UTRN: variants seen among roughly 807,000 people sequenced by gnomAD.
UTRN encodes dystrophin-related protein 1.
In UTRN, 283 loss-of-function variants were observed where a neutral mutation model predicts 463.9. The ratio of observed to expected loss-of-function variants is 0.61; its 90% CI spans 0.55 to 0.67. The LOEUF is 0.67. Ranked by LOEUF, UTRN falls within the 30% of genes least tolerant of loss-of-function variation. UTRN has a pLI of 0.00. For missense variants in UTRN, 3,922 were observed against 4,084.3 expected (o/e 0.96, Z 1.08); for synonymous variants, 1,442 against 1,431.5 (o/e 1.01, Z -0.17).
intron 2 of UTRN, among the ~76,000 whole-genome samples, chr6:144,370,698 A>T (rs1779905223): frequency 1.3e-5 from 2 of 152,158 alleles, no homozygotes; most frequent in East Asian, 3.8e-4. Flanking sequence ...AAAGCCACAG[A>T]CAATGCCAGC....
intron 45 of UTRN, among the ~76,000 whole-genome samples, chr6:144,540,332 A>G (rs1797886588): frequency 6.6e-6 from 1 of 152,046 alleles, no homozygotes; most frequent in Non-Finnish European, 1.5e-5. Context: ...CATTGAATGG[A>G]TATGTCTCTG....
chr6:144,330,958 C>T lies in UTRN; in HGVS notation c.79+39051C>T, dbSNP rs960462264. 43 of 985,138 alleles carry T rather than the reference C, an allele frequency of 4.4e-5. No homozygotes were observed. In the African/African-American group the frequency reaches 6.6e-4, roughly 15 times the overall value. The allele number at this position is 985,138 out of a possible 1,614,324, so 61.0% of individuals were successfully genotyped here. A position where few individuals can be genotyped will look rare whatever the true frequency, so the allele number is the denominator to read the frequency against. Reference sequence around the variant, plus strand: ...ACTACATTTGGAGGACACGCTGAGCCGACGAGAAATGGAAGTGAGATCTGA... The same window carrying T: ...ACTACATTTGGAGGACACGCTGAGCTGACGAGAAATGGAAGTGAGATCTGA... On this transcript the variant is annotated intron_variant, in intron 2 of 74. Transcript: ENST00000367545.
At chr6:144,304,623 G>A (rs1246203477) in intron 2 of UTRN, among the ~76,000 whole-genome samples, 1 of 152,176 alleles carries the variant, frequency 6.6e-6, no homozygotes, top group East Asian at 1.9e-4. Context: ...GGGATGTGGG[G>A]AGGCTGTTAA....
intron 27 of UTRN, among the ~76,000 whole-genome samples, chr6:144,483,771 T>C (rs1168868571): frequency 6.6e-6 from 1 of 152,188 alleles, no homozygotes; most frequent in Admixed American, 6.6e-5. Flanking sequence ...TAAATCTAAC[T>C]TGTAGTTTGG....
In UTRN at chr6:144,459,321, G is replaced by GCTGT. The variant is rs1789178471; in HGVS notation, c.2675_2678dup (p.Glu894CysfsTer11). 1 of 1,609,742 alleles carries GCTGT rather than the reference G, an allele frequency of 6.2e-7. No homozygotes were observed. On this transcript the variant is annotated frameshift_variant, in exon 21 of 75. Transcript: ENST00000367545. LOFTEE classifies it high-confidence loss of function. ...GGGCCGCTACCAAGCTGTACAAGAG[G>GCTGT]CTGTAGAGGATCGTCAACAACATCT...
intron 51 of UTRN, among the ~76,000 whole-genome samples, chr6:144,645,684 T>G (rs1292782200): frequency 6.6e-6 from 1 of 152,174 alleles, no homozygotes; most frequent in Non-Finnish European, 1.5e-5. Context: ...TCAAGAAGTC[T>G]GTGTTGTATA....
chr6:144,469,838 A>G (rs1278952039), intron 23 of UTRN, among the ~76,000 whole-genome samples: 1 of 151,784 alleles, frequency 6.6e-6, no homozygotes, highest in East Asian at 1.9e-4. Context: ...TCCTAGGCAG[A>G]GGGCCCTGCC....
chr6:144,803,229 T>G, intron 65 of UTRN, 82 bp downstream of exon 65: 3 of 854,796 alleles, frequency 3.5e-6, no homozygotes, highest in Non-Finnish European at 4.8e-6. Flanking sequence ...TTATTTAGAC[T>G]TAATCTTTTT....
intron 50 of UTRN, 104 bp from the exon 51 acceptor site, chr6:144,576,995 G>A: frequency 9.3e-7 from 1 of 1,073,604 alleles, no homozygotes; most frequent in Admixed American, 2.5e-5. Flanking sequence ...TGAATAAAAG[G>A]TCCTTTGGGG....
At chr6:144,848,692 T>C (rs1376242747) in intron 74 of UTRN, among the ~76,000 whole-genome samples, 1 of 152,014 alleles carries the variant, frequency 6.6e-6, no homozygotes, top group Admixed American at 6.6e-5. Flanking sequence ...GCTAAGAAGG[T>C]TGGAGGACAG....
In UTRN at chr6:144,836,763, T is replaced by A. The variant is rs1174994244; in HGVS notation, c.10065+222T>A. On this transcript the variant is annotated intron_variant, in intron 71 of 74. Transcript: ENST00000367545. ...CCCAGCTTACAATGGAATTTCCCAGTCTTCTTTAACAATGAAGTCCGCCTC... is the reference window on the plus strand; with the variant it reads ...CCCAGCTTACAATGGAATTTCCCAGACTTCTTTAACAATGAAGTCCGCCTC... 18 of 671,244 alleles carry A rather than the reference T, an allele frequency of 2.7e-5. 1 individual carries two copies. In the East Asian group the frequency reaches 3.4e-4, roughly 13 times the overall value. 41.6% of individuals were successfully genotyped at this position (671,244 alleles called of 1,614,324 possible). A position where few individuals can be genotyped will look rare whatever the true frequency, so the allele number is the denominator to read the frequency against.
chr6:144,508,887 T>C (rs2128589384), intron 34 of UTRN, among the ~76,000 whole-genome samples: 1 of 152,352 alleles, frequency 6.6e-6, no homozygotes, highest in South Asian at 2.1e-4. Context: ...ATATTCTTAT[T>C]TTCCTGTTGC....
At chr6:144,457,659 T>C (rs561627303) in intron 19 of UTRN, among the ~76,000 whole-genome samples, 4 of 152,338 alleles carry the variant, frequency 2.6e-5, no homozygotes, top group African/African-American at 7.2e-5. Context: ...ACTTCTGCAA[T>C]TGACATAGGT....
intron 14 of UTRN, among the ~76,000 whole-genome samples, chr6:144,446,418 A>G (rs912500395): frequency 3.3e-5 from 5 of 152,254 alleles, no homozygotes; most frequent in African/African-American, 1.2e-4. Context: ...ATTCATAAAT[A>G]AAATTGCTGA....
intron 2 of UTRN, among the ~76,000 whole-genome samples, chr6:144,308,347 A>G (rs761558125): frequency 1.3e-5 from 2 of 151,756 alleles, no homozygotes; most frequent in Non-Finnish European, 2.9e-5. Context: ...TAAGCGTCCC[A>G]TTTTTTCGGT....
chr6:144,687,833 T>C (rs1347349276), intron 52 of UTRN, among the ~76,000 whole-genome samples: 5 of 152,182 alleles, frequency 3.3e-5, no homozygotes, highest in African/African-American at 1.2e-4. Flanking sequence ...GCTTTGCTGA[T>C]GTCCTTTTTG....
chr6:144,514,908 GT>G, intron 37 of UTRN, 88 bp downstream of exon 37: 3 of 1,347,748 alleles, frequency 2.2e-6, no homozygotes, highest in Non-Finnish European at 2.0e-6. Context: ...CAACAATTTT[GT>G]TTTATTATTT....
chr6:144,792,722 T>C (rs923341494), intron 62 of UTRN, among the ~76,000 whole-genome samples: 4 of 152,234 alleles, frequency 2.6e-5, no homozygotes, highest in African/African-American at 9.6e-5. Flanking sequence ...TGAAAATTTA[T>C]TTCCAAAAAG....
At chr6:144,386,969 T>C (rs538476208) in intron 2 of UTRN, among the ~76,000 whole-genome samples, 1 of 152,178 alleles carries the variant, frequency 6.6e-6, no homozygotes, top group Non-Finnish European at 1.5e-5. Flanking sequence ...TAGTTGGCAT[T>C]TCATCAAAGT....
Sources: gnomAD v4.1 joint callset for allele counts (sites outside exome capture counted in the v4.1 genomes callset) on GRCh38, gnomAD v4.1.1 for gene constraint, MANE v1.5 for transcripts, NCBI Gene and HGNC (gene_info 2026-07-23, HGNC 2026-07-21) for gene names.